The following ELAC2 variants were observed in gnomAD, a reference collection of about 807,000 sequenced individuals.
ELAC2 encodes elaC ribonuclease Z 2.
Under a neutral mutation model 105.2 loss-of-function variants are expected in ELAC2, and 92 were observed. The ratio of observed to expected loss-of-function variants is 0.87; its 90% confidence interval spans 0.74 to 1.04. The LOEUF (loss-of-function observed/expected upper bound fraction) is 1.04. Ranked by LOEUF, ELAC2 falls within the 50% of genes least tolerant of loss-of-function variation. ELAC2 has a pLI of 0.00. For synonymous variants in ELAC2, 468 were observed against 409.1 expected, an observed-to-expected ratio of 1.14 and a Z score of -1.74; for missense variants, 1,099 against 1,071.7, an observed-to-expected ratio of 1.03 and a Z score of -0.36.
intron 5 of ELAC2, among the ~76,000 whole-genome samples, chr17:13,013,603 A>G (rs1180450156): frequency 6.6e-6 from 1 of 152,216 alleles, no homozygotes; most frequent in African/African-American, 2.4e-5. Context: ...GGAACCTATC[A>G]TCGCAAACCA....
intron 2 of ELAC2, 25 bp downstream of exon 2, chr17:13,017,046 C>T: frequency 6.2e-7 from 1 of 1,614,000 alleles, no homozygotes; most frequent in African/African-American, 1.3e-5. Flanking sequence ...TCAACTCCCC[C>T]TCCGAAAGCA....
chr17:12,993,168 A>G, intron 23 of ELAC2, 123 bp from the exon 24 acceptor site: 1 of 1,014,144 alleles, frequency 9.9e-7, no homozygotes, highest in South Asian at 1.3e-5. Context: ...GGCACAAGCC[A>G]ACAGGCCACA....
In ELAC2 at chr17:12,992,079, C is replaced by T. The variant is rs1032109555; in HGVS notation, c.*739G>A. Among the ~76,000 whole-genome samples the T allele has an allele frequency of 6.6e-6, 1 of 152,186 alleles. No individual in the cohort carries two copies. The highest frequency in any genetic ancestry group is 1.5e-5 in the Non-Finnish European group (1 of 68,036). On this transcript the variant is annotated 3_prime_UTR_variant, in exon 24 of 24. Transcript: ENST00000338034. The stretch of plus-strand genomic sequence containing the variant: ...TTACCCAGAACCACCAGAAGACTTG[C>T]ATTTCCCTGACCAATGACACCAGCC...
At chr17:12,996,461 C>A in intron 17 of ELAC2, 86 bp downstream of exon 17, 2 of 1,599,068 alleles carry the variant, frequency 1.3e-6, no homozygotes, top group Non-Finnish European at 1.7e-6. Context: ...AGTTTGGAAG[C>A]GGAGGAAAAG....
intron 15 of ELAC2, 27 bp downstream of exon 15, chr17:13,000,129 A>G: frequency 1.9e-6 from 3 of 1,599,590 alleles, no homozygotes; most frequent in South Asian, 2.2e-5. Context: ...CCAGGAAAGA[A>G]AGGCTGCTCT....
chr17:12,999,111 G>C (rs1200962006), intron 15 of ELAC2, among the ~76,000 whole-genome samples: 3 of 152,224 alleles, frequency 2.0e-5, no homozygotes, highest in African/African-American at 7.2e-5. Context: ...CTTCGCACCA[G>C]TGTGGGACCC....
chr17:13,017,528 A>G, intron 1 of ELAC2, 175 bp downstream of exon 1: 2 of 1,295,342 alleles, frequency 1.5e-6, no homozygotes, highest in Non-Finnish European at 2.1e-6. Context: ...GATCCGCAGA[A>G]ATCACATGGA....
Position 13,015,793 on chromosome 17 carries a change from C to CA in ELAC2, c.406dup (p.Cys136LeufsTer41), listed in dbSNP as rs751784124. 3.1e-6 allele frequency: 5 copies of CA among 1,614,106 alleles called. No homozygotes were observed. The highest frequency in any genetic ancestry group is 3.4e-6 in the Non-Finnish European group (4 of 1,179,934). On this transcript the variant is annotated frameshift_variant, in exon 4 of 24. Coordinates refer to ENST00000338034, the MANE Select transcript of ELAC2 (RefSeq NM_018127.7). LOFTEE classifies it high-confidence loss of function. Reference sequence around the variant, plus strand: ...CAGTTGTGGAGGTCCAGAAAGTACACACTTTGGAAGCCCGGTTTCCTTTAA... The same window carrying CA: ...CAGTTGTGGAGGTCCAGAAAGTACACAACTTTGGAAGCCCGGTTTCCTTTAA...
chr17:13,015,643 G>A, intron 4 of ELAC2, 125 bp downstream of exon 4: 1 of 779,136 alleles, frequency 1.3e-6, no homozygotes, highest in Non-Finnish European at 2.3e-6. Flanking sequence ...AACTTGAAAG[G>A]GGAAGCGTTT....
At chr17:12,999,120 C>T (rs181375442) in intron 15 of ELAC2, among the ~76,000 whole-genome samples, 107 of 152,298 alleles carry the variant, frequency 7.0e-4, no homozygotes, top group African/African-American at 2.5e-3. Context: ...AGTGTGGGAC[C>T]CACAGGCTAT....
chr17:13,002,398 G>A (rs1197347667), intron 13 of ELAC2, 39 bp from the exon 14 acceptor site: 1 of 1,614,132 alleles, frequency 6.2e-7, no homozygotes, highest in Non-Finnish European at 8.5e-7. Context: ...AGAAAGAGAG[G>A]GGACGAGAGC....
intron 6 of ELAC2, 116 bp from the exon 7 acceptor site, chr17:13,011,898 T>A: frequency 6.7e-7 from 1 of 1,503,164 alleles, no homozygotes; most frequent in African/African-American, 1.4e-5. Context: ...CACCTTTTAC[T>A]ATACAGTAGG....
intron 5 of ELAC2, among the ~76,000 whole-genome samples, chr17:13,013,989 G>A (rs571657843): frequency 1.3e-5 from 2 of 152,280 alleles, no homozygotes; most frequent in Middle Eastern, 3.4e-3. Context: ...ACAGCATGAG[G>A]TGGGAACACA....
rs529439441 is a variant in ELAC2, at chr17:13,000,612, G to A, written c.1305-338C>T. On this transcript the variant is annotated intron_variant, in intron 14 of 23. Coordinates refer to ENST00000338034, the MANE Select transcript of ELAC2 (RefSeq NM_018127.7). Reference sequence around the variant, plus strand: ...CTCCTAGGCTGTGACAACCAAGAACGTTTCCAGATGTTGCCAAATGTCCTC... The same window carrying A: ...CTCCTAGGCTGTGACAACCAAGAACATTTCCAGATGTTGCCAAATGTCCTC... 176 of 367,908 alleles carry A rather than the reference G, an allele frequency of 4.8e-4. 1 individual carries two copies. Among genetic ancestry groups the A allele is most frequent in the Middle Eastern group, 9.2e-4 (1 of 1,088 alleles). The allele number at this position is 367,908 out of a possible 1,614,324, so 22.8% of individuals were successfully genotyped here.
intron 17 of ELAC2, 78 bp from the exon 18 acceptor site, chr17:12,996,056 CTT>C: frequency 8.0e-6 from 12 of 1,505,070 alleles, no homozygotes; most frequent in African/African-American, 6.9e-5. Flanking sequence ...AGCCCTCTCT[CTT>C]GCAGGAGTTG....
At chr17:12,999,060 G>C (rs1028145212) in intron 15 of ELAC2, among the ~76,000 whole-genome samples, 1 of 152,174 alleles carries the variant, frequency 6.6e-6, no homozygotes, top group African/African-American at 2.4e-5. Flanking sequence ...TTCCCAGGAG[G>C]GGGACTGGCA....
chr17:13,017,087 G>C lies in ELAC2; in HGVS notation c.280C>G (p.Leu94Val). The C allele has an allele frequency of 1.2e-6, 2 of 1,613,952 alleles. No homozygotes were observed. Among genetic ancestry groups the C allele is most frequent in the Non-Finnish European group, 1.7e-6 (2 of 1,179,992 alleles). ...LFNCGEGVQR[L>V]MQEHKLKVAR... ...CTGACTCACTTGTGCTCCTGCATGA[G>C]TCTCTGAACGCCTTCTCCACAGTTG... The change falls in exon 2 of 24, where the codon CTC becomes GTC. Residue 94 changes from leucine to valine, a missense_variant. Leu to Val is a conservative substitution (Grantham distance 32). Transcript: ENST00000338034.
In ELAC2 at chr17:13,005,813, G is replaced by A; in HGVS notation, c.810C>T (p.Ala270=). The A allele has an allele frequency of 8.1e-6, 13 of 1,614,172 alleles. No homozygotes were observed. Among genetic ancestry groups the A allele is most frequent in the Non-Finnish European group, 1.1e-5 (13 of 1,180,046 alleles). Residue 270 remains alanine, a synonymous_variant, in exon 10 of 24, where the codon GCC becomes GCT. Transcript: ENST00000338034. ...TGACAGCAGCAATGATGGGAGCGAT[G>A]GCAGCTGTCCCACTGAAATGAAGAG... is the stretch of plus-strand genomic sequence containing the variant. ...KEMGLPVGTA[A]IAPIIAAVKD...
rs144342324 is a variant in ELAC2 at position 12,996,632 on chromosome 17, C to A, written c.1574G>T (p.Cys525Phe). The A allele has an allele frequency of 1.2e-6, 2 of 1,613,898 alleles. No individual in the cohort carries two copies. The highest frequency in any genetic ancestry group is 2.7e-5 in the African/African-American group (2 of 74,908). ...DCGEGTFGQL[C>F]RHYGDQVDRV... ...GTCCACCTGGTCTCCGTAATGACGG[C>A]ACAGCTGCCCAAATGTGCCCTCACC... Residue 525 changes from cysteine (C) to phenylalanine (F), a missense_variant, in exon 17 of 24, where the codon TGC becomes TTC. Transcript: ENST00000338034.
Sources: gnomAD v4.1 joint callset for allele counts (sites outside exome capture counted in the v4.1 genomes callset) on GRCh38, gnomAD v4.1.1 for gene constraint, MANE v1.5 for transcripts, NCBI Gene and HGNC (gene_info 2026-07-23, HGNC 2026-07-21) for gene names.